ATF2: variants seen among roughly 807,000 people sequenced by gnomAD.
ATF2 encodes the protein cyclic AMP-dependent transcription factor ATF-2.
A neutral mutation model predicts 60.6 loss-of-function variants in ATF2; 24 were observed. The observed-to-expected ratio is 0.40, with a 90% confidence interval of 0.29 to 0.56. The LOEUF (loss-of-function observed/expected upper bound fraction) is 0.56, where lower values mean the gene tolerates loss of function less well. Among genes scored for constraint, ATF2 ranks in the 20% least tolerant of loss-of-function variants. ATF2 has a pLI of 0.54. For missense variants in ATF2, 433 were observed against 607.7 expected, an observed-to-expected ratio of 0.71 and a Z score of 3.02; for synonymous variants, 206 against 215.4, an observed-to-expected ratio of 0.96 and a Z score of 0.38.
intron 12 of ATF2, among the ~76,000 whole-genome samples, chr2:175,087,079 T>A (rs1398336251): frequency 2.0e-5 from 3 of 151,886 alleles, no homozygotes; most frequent in African/African-American, 7.3e-5. Context: ...GAAAAAAAAA[T>A]GTATACCTCT....
At chr2:175,141,030 A>AATATATATATATATATATATATAT (rs1553513531) in intron 2 of ATF2, among the ~76,000 whole-genome samples, 1 of 37,620 alleles carries the variant, frequency 2.7e-5, no homozygotes, top group African/African-American at 1.2e-4. Flanking sequence ...AAAAAAAAAA[A>AATATATATATATATATATATATAT]ATATATATAT....
intron 2 of ATF2, 104 bp from the exon 3 acceptor site, chr2:175,136,590 C>A: frequency 1.4e-6 from 1 of 700,388 alleles, no homozygotes; most frequent in Non-Finnish European, 2.4e-6. Flanking sequence ...ACTACTGTCA[C>A]CCCAAAACTA....
intron 2 of ATF2, among the ~76,000 whole-genome samples, chr2:175,147,234 T>C (rs1301933369): frequency 1.3e-5 from 2 of 152,198 alleles, no homozygotes; most frequent in Non-Finnish European, 2.9e-5. Flanking sequence ...GTATCAATAT[T>C]CCCATGTCAT....
chr2:175,160,271 G>C (rs901840099), intron 1 of ATF2, among the ~76,000 whole-genome samples: 4 of 152,148 alleles, frequency 2.6e-5, no homozygotes, highest in African/African-American at 9.7e-5. Context: ...TGTAGTCCCA[G>C]CTACTCGGGA....
intron 3 of ATF2, 47 bp from the exon 4 acceptor site, chr2:175,130,254 G>T: frequency 8.4e-7 from 1 of 1,193,820 alleles, no homozygotes; most frequent in Non-Finnish European, 1.1e-6. Context: ...TTAAAATAAA[G>T]AATAATTTAA....
chr2:175,090,079 G>A (rs562478125), intron 12 of ATF2, among the ~76,000 whole-genome samples: 77 of 152,176 alleles, frequency 5.1e-4, no homozygotes, highest in Non-Finnish European at 9.0e-4. Flanking sequence ...CTGGCATTTA[G>A]TGCATTCACA....
intron 12 of ATF2, among the ~76,000 whole-genome samples, chr2:175,089,913 C>T (rs1365866135): frequency 6.6e-6 from 1 of 152,082 alleles, no homozygotes; most frequent in Non-Finnish European, 1.5e-5. Context: ...AGTTCCTATA[C>T]CTATACATTT....
At chr2:175,077,225 G>C (rs1391325501) in intron 13 of ATF2, among the ~76,000 whole-genome samples, 4 of 152,018 alleles carry the variant, frequency 2.6e-5, no homozygotes, top group African/African-American at 7.2e-5. Flanking sequence ...GGTTCCAAGT[G>C]TTTGCTATTG....
intron 2 of ATF2, among the ~76,000 whole-genome samples, chr2:175,145,946 T>C (rs1042708056): frequency 5.9e-5 from 9 of 152,182 alleles, no homozygotes; most frequent in African/African-American, 2.2e-4. Flanking sequence ...CTCAAAGTAT[T>C]ATATCTCCCT....
intron 2 of ATF2, among the ~76,000 whole-genome samples, chr2:175,149,887 T>C (rs906746338): frequency 1.3e-5 from 2 of 152,148 alleles, no homozygotes; most frequent in African/African-American, 4.8e-5. Context: ...TTCCATCTAC[T>C]ACTCCCCTAC....
intron 9 of ATF2, among the ~76,000 whole-genome samples, chr2:175,112,730 C>T (rs1270358260): frequency 6.6e-6 from 1 of 152,098 alleles, no homozygotes; most frequent in Non-Finnish European, 1.5e-5. Flanking sequence ...ACTACAGGTG[C>T]TTCCATCACA....
At chr2:175,138,149 G>A (rs1698262341) in intron 2 of ATF2, among the ~76,000 whole-genome samples, 1 of 152,200 alleles carries the variant, frequency 6.6e-6, no homozygotes, top group East Asian at 1.9e-4. Flanking sequence ...CAACTGTCAT[G>A]AAAAGCACCA....
At chr2:175,134,077 C>T (rs530738092) in intron 3 of ATF2, among the ~76,000 whole-genome samples, 4 of 152,164 alleles carry the variant, frequency 2.6e-5, no homozygotes, top group African/African-American at 7.2e-5. Context: ...ATGAGTTTTG[C>T]ATCCATGGAT....
intron 12 of ATF2, among the ~76,000 whole-genome samples, chr2:175,083,663 G>A (rs1693925545): frequency 1.3e-5 from 2 of 152,064 alleles, no homozygotes; most frequent in East Asian, 3.9e-4. Flanking sequence ...TTAAACTAAA[G>A]AGCTTCTGCA....
chr2:175,111,585 G>A lies in ATF2; in HGVS notation c.811C>T (p.Gln271Ter), dbSNP rs751909387. The change falls in exon 10 of 14, where the codon CAG becomes TAG. Residue 271 changes from glutamine (Q) to a stop codon, truncating the protein, a stop_gained. Transcript: ENST00000264110. LOFTEE classifies it high-confidence loss of function. ...IPGPSSPQPV[Q>*]SEAKMRLKAA... ...TGGCTTACCATTTTTGCTTCTGACT[G>A]TACTGGTTGGGGAGAGGAAGGACCT... 6.2e-7 allele frequency: 1 copy of A among 1,613,694 alleles called. No homozygotes were observed. Among genetic ancestry groups the A allele is most frequent in the Admixed American group, 1.7e-5 (1 of 59,994 alleles).
intron 4 of ATF2, among the ~76,000 whole-genome samples, chr2:175,123,210 TG>T (rs547973786): frequency 1.8e-4 from 28 of 152,176 alleles, no homozygotes; most frequent in South Asian, 6.2e-4. Flanking sequence ...TTTGACAGAT[TG>T]CTGAATAACA....
chr2:175,143,837 G>C (rs1369019908), intron 2 of ATF2, among the ~76,000 whole-genome samples: 2 of 151,990 alleles, frequency 1.3e-5, no homozygotes, highest in Non-Finnish European at 2.9e-5. Context: ...CTGTCACCCA[G>C]GCTGGAGTGC....
At chr2:175,150,082 G>A (rs770414861) in intron 2 of ATF2, among the ~76,000 whole-genome samples, 17 of 152,092 alleles carry the variant, frequency 1.1e-4, no homozygotes, top group Non-Finnish European at 2.5e-4. Context: ...TAGTCAAGCA[G>A]CTTAAAATTA....
At chr2:175,112,737 C>T (rs916827911) in intron 9 of ATF2, among the ~76,000 whole-genome samples, 8 of 152,098 alleles carry the variant, frequency 5.3e-5, no homozygotes, top group African/African-American at 1.9e-4. Flanking sequence ...GTGCTTCCAT[C>T]ACAACTGGCT....
Sources: allele counts gnomAD v4.1 joint callset (sites outside exome capture counted in the v4.1 genomes callset), GRCh38; gene constraint gnomAD v4.1.1; transcripts MANE v1.5; gene names NCBI Gene and HGNC (gene_info 2026-07-23, HGNC 2026-07-21).